EFCAB13: variants seen among roughly 807,000 people sequenced by gnomAD.
The protein encoded by EFCAB13 is EF-hand calcium-binding domain-containing protein 13.
Under a neutral mutation model 110.2 loss-of-function variants are expected in EFCAB13, and 91 were observed. The ratio of observed to expected loss-of-function variants is 0.83; its 90% CI spans 0.70 to 0.98. EFCAB13 has a LOEUF of 0.98. Among genes scored for constraint, EFCAB13 ranks in the 50% least tolerant of loss-of-function variants. The pLI is 0.00. For missense variants in EFCAB13, 968 were observed against 1,119.4 expected, an observed-to-expected ratio of 0.86 and a Z score of 1.93; for synonymous variants, 323 against 369.9, an observed-to-expected ratio of 0.87 and a Z score of 1.45.
At chr17:47,429,655 C>T (rs1422698446) in intron 23 of EFCAB13, among the ~76,000 whole-genome samples, 163 bp from the exon 24 acceptor site, 1 of 152,184 alleles carries the variant, frequency 6.6e-6, no homozygotes, top group Non-Finnish European at 1.5e-5. Flanking sequence ...TGACTGTTAG[C>T]TATTGTAATA....
intron 10 of EFCAB13, among the ~76,000 whole-genome samples, chr17:47,367,944 CAT>C (rs2065557670): frequency 6.6e-6 from 1 of 152,098 alleles, no homozygotes; most frequent in Non-Finnish European, 1.5e-5. Flanking sequence ...AGACTCGTTG[CAT>C]ATCCAAAGGG....
intron 20 of EFCAB13, 181 bp from the exon 21 acceptor site, chr17:47,409,466 G>C: frequency 1.7e-6 from 1 of 574,420 alleles, no homozygotes. Context: ...AGTAAGCAAA[G>C]AGTGAGGAGA....
At position 47,367,278 on chromosome 17, in the gene EFCAB13, G is replaced by A. The variant is rs955405770; in HGVS notation, c.806-3159G>A. ...TTGCTTTGCAGTGATTTAAAGGCCT[G>A]CACCTGAAATACATAGTTTACCAAT... On this transcript the variant is annotated intron_variant, in intron 10 of 24. Coordinates refer to ENST00000331493, the MANE Select transcript of EFCAB13 (RefSeq NM_152347.5). Among the ~76,000 whole-genome samples the A allele has an allele frequency of 3.3e-5, 5 of 152,332 alleles. No homozygotes were observed. In the East Asian group the frequency reaches 9.6e-4, roughly 29 times the overall value.
chr17:47,417,244 A>G (rs966097612), intron 23 of EFCAB13, among the ~76,000 whole-genome samples: 1 of 152,234 alleles, frequency 6.6e-6, no homozygotes, highest in Non-Finnish European at 1.5e-5. Context: ...TTGGTTTGCT[A>G]TCTCAGGAGT....
intron 14 of EFCAB13, among the ~76,000 whole-genome samples, chr17:47,387,733 C>G (rs1331771366): frequency 2.0e-5 from 3 of 152,186 alleles, no homozygotes; most frequent in African/African-American, 7.2e-5. Flanking sequence ...GGACATATGT[C>G]TATATCTTGT....
chr17:47,440,460 A>G lies in EFCAB13; in HGVS notation c.2668A>G (p.Met890Val), dbSNP rs745456225. 6.3e-7 allele frequency: 1 copy of G among 1,599,990 alleles called. No individual in the cohort carries two copies. Among genetic ancestry groups the G allele is most frequent in the Non-Finnish European group, 8.5e-7 (1 of 1,175,260 alleles). ...TGGCAAGGTTAGCATTCAAGAATTTATGACTAAATTATCCGATATATTGAC... is the reference window on the plus strand; with the variant it reads ...TGGCAAGGTTAGCATTCAAGAATTTGTGACTAAATTATCCGATATATTGAC... ...ESGKVSIQEF[M>V]TKLSDILTIP... The change falls in exon 25 of 25, where the codon ATG becomes GTG. Residue 890 changes from methionine (M) to valine (V), a missense_variant. Physicochemically the swap from Met to Val is conservative, Grantham distance 21 (BLOSUM62 1). Coordinates refer to ENST00000331493, the MANE Select transcript of EFCAB13 (RefSeq NM_152347.5).
chr17:47,398,200 C>T (rs2065757039), intron 17 of EFCAB13, among the ~76,000 whole-genome samples: 1 of 142,822 alleles, frequency 7.0e-6, no homozygotes, highest in Admixed American at 6.9e-5. Context: ...AGTGAGGAGC[C>T]CCTCTGCCCG....
intron 9 of EFCAB13, among the ~76,000 whole-genome samples, chr17:47,352,134 C>T (rs936598311): frequency 3.3e-5 from 5 of 151,286 alleles, no homozygotes; most frequent in Non-Finnish European, 5.9e-5. Flanking sequence ...GATCTCCTGA[C>T]CTCATGATCC....
chr17:47,396,383 C>T (rs1298139138), intron 17 of EFCAB13, among the ~76,000 whole-genome samples: 2 of 151,564 alleles, frequency 1.3e-5, no homozygotes, highest in Non-Finnish European at 2.9e-5. Flanking sequence ...AAAAACACAC[C>T]TGCTGATAGC....
At chr17:47,344,432 A>G (rs974832458) in intron 7 of EFCAB13, 140 bp downstream of exon 7, 6 of 1,080,560 alleles carry the variant, frequency 5.6e-6, no homozygotes, top group Non-Finnish European at 6.5e-6. Flanking sequence ...TAGAGATAAG[A>G]GCACTGTATA....
At chr17:47,397,087 A>G (rs922430027) in intron 17 of EFCAB13, among the ~76,000 whole-genome samples, 1 of 116,648 alleles carries the variant, frequency 8.6e-6, no homozygotes, top group Non-Finnish European at 1.6e-5. Flanking sequence ...TACTGCTGCC[A>G]TCTCGGCTCA....
chr17:47,345,860 G>GATCTCTCCTGTTTCCTTTGGTATC lies in EFCAB13; in HGVS notation c.517+763_517+786dup, dbSNP rs1267372650. ...TGGTATTCCCTTTAAGTTTTGGTGTGATCTCTCCTGTTTCCTTTGGTATCT... is the reference window on the plus strand; with the variant it reads ...TGGTATTCCCTTTAAGTTTTGGTGTGATCTCTCCTGTTTCCTTTGGTATCATCTCTCCTGTTTCCTTTGGTATCT... On this transcript the variant is annotated intron_variant, in intron 8 of 24. Coordinates refer to ENST00000331493, the MANE Select transcript of EFCAB13 (RefSeq NM_152347.5). 3.9e-4 allele frequency among the ~76,000 whole-genome samples: 60 copies of GATCTCTCCTGTTTCCTTTGGTATC among 152,170 alleles called. 1 individual carries two copies. In the South Asian group the frequency reaches 0.012, roughly 31 times the overall value.
Position 47,402,113 on chromosome 17 carries a change from A to G in EFCAB13, c.1946-19A>G. The G allele has an allele frequency of 6.2e-7, 1 of 1,612,308 alleles. No homozygotes were observed. Among genetic ancestry groups the G allele is most frequent in the African/African-American group, 1.3e-5 (1 of 74,986 alleles). ...TTTGCGTAATGAGGTTGGTCTATTAAAAGTGTTTTTTCTCACAGAAGGTGA... is the reference window on the plus strand; with the variant it reads ...TTTGCGTAATGAGGTTGGTCTATTAGAAGTGTTTTTTCTCACAGAAGGTGA... On this transcript the variant is annotated intron_variant, in intron 17 of 24. Transcript: ENST00000331493.
intron 24 of EFCAB13, 27 bp downstream of exon 24, chr17:47,429,988 A>G (rs1403703242): frequency 1.9e-6 from 3 of 1,562,768 alleles, no homozygotes; most frequent in Admixed American, 3.5e-5. Context: ...CGTCTATCTT[A>G]TAAGGACCAT....
chr17:47,350,892 C>T (rs778917691), intron 9 of EFCAB13, among the ~76,000 whole-genome samples: 2 of 152,052 alleles, frequency 1.3e-5, no homozygotes, highest in South Asian at 2.1e-4. Flanking sequence ...TTCTTATGCT[C>T]GGTCCTTGGA....
chr17:47,387,500 A>G (rs2065682987), intron 14 of EFCAB13, among the ~76,000 whole-genome samples: 1 of 152,146 alleles, frequency 6.6e-6, no homozygotes, highest in Non-Finnish European at 1.5e-5. Flanking sequence ...TGTTGTGTAC[A>G]TACATATTTA....
chr17:47,426,834 CAT>C (rs1340892941), intron 23 of EFCAB13, among the ~76,000 whole-genome samples: 2 of 152,260 alleles, frequency 1.3e-5, no homozygotes, highest in Non-Finnish European at 1.5e-5. Flanking sequence ...TCGTTTTCCA[CAT>C]GAGTGGTTTG....
intron 4 of EFCAB13, among the ~76,000 whole-genome samples, chr17:47,332,994 T>G (rs973039686): frequency 3.9e-5 from 6 of 152,188 alleles, no homozygotes; most frequent in Non-Finnish European, 7.4e-5. Flanking sequence ...CTCCATACTG[T>G]TTTCTGGAAT....
At chr17:47,407,742 T>C (rs895361373) in intron 20 of EFCAB13, among the ~76,000 whole-genome samples, 2 of 152,146 alleles carry the variant, frequency 1.3e-5, no homozygotes, top group African/African-American at 2.4e-5. Flanking sequence ...TTTTATTTAG[T>C]TTTTTGTTTT....
Sources: gnomAD v4.1 joint callset for allele counts (sites outside exome capture counted in the v4.1 genomes callset) on GRCh38, gnomAD v4.1.1 for gene constraint, MANE v1.5 for transcripts, NCBI Gene and HGNC (gene_info 2026-07-23, HGNC 2026-07-21) for gene names.